The following ARHGAP5 variants were observed in gnomAD, a reference collection of about 807,000 sequenced individuals.
ARHGAP5 encodes the protein Rho GTPase activating protein 5.
ARHGAP5 carries 23 observed loss-of-function variants against 116.6 expected under a neutral mutation model. The observed-to-expected ratio is 0.20, with a 90% confidence interval of 0.14 to 0.28. The LOEUF is 0.28. Among genes scored for constraint, ARHGAP5 ranks in the 10% least tolerant of loss-of-function variants. The pLI is 1.00. For missense variants in ARHGAP5, 1,405 were observed against 1,774.8 expected (o/e 0.79, Z 3.74); for synonymous variants, 574 against 602.0 (o/e 0.95, Z 0.68).
intron 2 of ARHGAP5, among the ~76,000 whole-genome samples, chr14:32,100,676 A>G (rs1164022486): frequency 6.6e-6 from 1 of 152,244 alleles, no homozygotes; most frequent in Non-Finnish European, 1.5e-5. Flanking sequence ...TAGTGTCCAC[A>G]GAGGTCTTGA....
chr14:32,148,140 G>A (rs975703152), intron 4 of ARHGAP5, among the ~76,000 whole-genome samples: 15 of 151,672 alleles, frequency 9.9e-5, no homozygotes, highest in East Asian at 1.9e-4. Context: ...GTGACAGAGC[G>A]AGACTGCATC....
chr14:32,156,621 A>G lies in ARHGAP5; in HGVS notation c.*1673A>G, dbSNP rs1881904253. The G allele has an allele frequency of 6.6e-6, 1 of 152,320 alleles. No homozygotes were observed. The highest frequency in any genetic ancestry group is 2.4e-5 in the African/African-American group (1 of 41,434). 9.4% of individuals were successfully genotyped at this position (152,320 alleles called of 1,614,324 possible). A position where few individuals can be genotyped will look rare whatever the true frequency, so the allele number is the denominator to read the frequency against. ...CAAAGCACACAGGAATTAAGAAAGT[A>G]CAGTAATTTTTAAAAAAAAATCCGG... On this transcript the variant is annotated 3_prime_UTR_variant, in exon 7 of 7. Coordinates refer to ENST00000345122, the MANE Select transcript of ARHGAP5 (RefSeq NM_001030055.2).
intron 1 of ARHGAP5, among the ~76,000 whole-genome samples, chr14:32,083,676 T>A (rs1386230706): frequency 6.6e-6 from 1 of 152,208 alleles, no homozygotes; most frequent in Non-Finnish European, 1.5e-5. Flanking sequence ...CACCTCTTGT[T>A]GATATTCTTA....
In ARHGAP5 at chr14:32,156,817, G is replaced by A. The variant is rs1254388885; in HGVS notation, c.*1869G>A. ...AGAATTTATTTTTCTACTATATATG[G>A]TATAGACAAAGCATCAAACTATGTA... On this transcript the variant is annotated 3_prime_UTR_variant, in exon 7 of 7. Transcript: ENST00000345122. 1 of 152,224 alleles carries A rather than the reference G, an allele frequency of 6.6e-6. No homozygotes were observed. The highest frequency in any genetic ancestry group is 1.9e-4 in the East Asian group (1 of 5,190). The allele number at this position is 152,224 out of a possible 1,614,324, so 9.4% of individuals were successfully genotyped here.
At position 32,114,171 on chromosome 14, in the gene ARHGAP5, T is replaced by C. The variant is rs541039609; in HGVS notation, c.3718-2969T>C. ...TGAACCCAGGAGGCAGAGCTTGCAG[T>C]GAGCTGAGATCACGCCACTGCACTC... is the stretch of plus-strand genomic sequence containing the variant. On this transcript the variant is annotated intron_variant, in intron 2 of 6. Transcript: ENST00000345122. Among the ~76,000 whole-genome samples the C allele has an allele frequency of 8.6e-5, 13 of 151,060 alleles. No individual in the cohort carries two copies. The East Asian group carries it at 2.0e-3, about 23-fold the overall frequency.
At chr14:32,106,162 C>G (rs913856053) in intron 2 of ARHGAP5, among the ~76,000 whole-genome samples, 27 of 152,152 alleles carry the variant, frequency 1.8e-4, no homozygotes, top group African/African-American at 6.5e-4. Context: ...CACTTTGTTG[C>G]CCAGGCTACA....
rs1878215713 is a variant in ARHGAP5 at position 32,091,053 on chromosome 14, A to G, written c.384A>G (p.Glu128=). Residue 128 remains glutamate (E), a synonymous_variant, in exon 2 of 7, where the codon GAA becomes GAG. Transcript: ENST00000345122. ...RAAASKLQSA[E]KLMYICTDQL... The stretch of plus-strand genomic sequence containing the variant: ...CTGCATCTAAATTGCAGTCAGCAGA[A>G]AAACTAATGTACATTTGCACTGATC... 6.2e-7 allele frequency: 1 copy of G among 1,613,576 alleles called. No homozygotes were observed. The highest frequency in any genetic ancestry group is 8.5e-7 in the Non-Finnish European group (1 of 1,179,670).
In ARHGAP5 at chr14:32,092,253, T is replaced by C. The variant is rs774285269; in HGVS notation, c.1584T>C (p.Tyr528=). The part of the protein sequence containing the change: ...IHTVLSEEPR[Y]KALQKLAPDR... ...CAGTTCTGAGTGAAGAACCTAGATATAAAGCTTTACAGAAACTTGCACCTG... is the reference window on the plus strand; with the variant it reads ...CAGTTCTGAGTGAAGAACCTAGATACAAAGCTTTACAGAAACTTGCACCTG... Residue 528 remains tyrosine (Y), a synonymous_variant, in exon 2 of 7, where the codon TAT becomes TAC. Transcript: ENST00000345122. The surrounding 1 kb of genome is among the most constrained non-coding windows in gnomAD (Gnocchi z 4.1). 3.1e-6 allele frequency: 5 copies of C among 1,613,480 alleles called. No individual in the cohort carries two copies. Among genetic ancestry groups the C allele is most frequent in the Middle Eastern group, 1.7e-4 (1 of 6,058 alleles).
At chr14:32,077,494 C>T in intron 1 of ARHGAP5, 59 bp downstream of exon 1, 1 of 676,290 alleles carries the variant, frequency 1.5e-6, no homozygotes, top group East Asian at 2.8e-5. Context: ...GACGGGGACC[C>T]TCCTGCGGCT....
Position 32,159,094 on chromosome 14 carries a change from G to A in ARHGAP5, c.*4146G>A, listed in dbSNP as rs897197551. 1.3e-5 allele frequency: 2 copies of A among 152,086 alleles called. No homozygotes were observed. Among genetic ancestry groups the A allele is most frequent in the African/African-American group, 4.8e-5 (2 of 41,438 alleles). The allele number at this position is 152,086 out of a possible 1,614,324, so 9.4% of individuals were successfully genotyped here. On this transcript the variant is annotated 3_prime_UTR_variant, in exon 7 of 7. Coordinates refer to ENST00000345122, the MANE Select transcript of ARHGAP5 (RefSeq NM_001030055.2). ...GTCTTTTGTGGAAATTCTGTAGGCA[G>A]TATGATTTTGAAAAGCTAACCAATG...
intron 2 of ARHGAP5, among the ~76,000 whole-genome samples, chr14:32,094,962 G>A (rs954316486): frequency 3.9e-5 from 6 of 152,006 alleles, no homozygotes; most frequent in Admixed American, 1.3e-4. Flanking sequence ...AATGGTATTA[G>A]GCATTTGAAA....
chr14:32,153,672 C>T (rs1881762289), intron 6 of ARHGAP5, among the ~76,000 whole-genome samples: 1 of 151,558 alleles, frequency 6.6e-6, no homozygotes, highest in Admixed American at 6.6e-5. Context: ...AGGGTTTCAT[C>T]ATGTTGGCCA....
chr14:32,125,139 C>T (rs879546137), intron 3 of ARHGAP5, among the ~76,000 whole-genome samples: 1 of 152,154 alleles, frequency 6.6e-6, no homozygotes, highest in Non-Finnish European at 1.5e-5. Flanking sequence ...CCGAAGAAAA[C>T]CCTGTACACA....
chr14:32,154,574 T>A, intron 6 of ARHGAP5, 47 bp from the exon 7 acceptor site: 1 of 1,381,956 alleles, frequency 7.2e-7, no homozygotes, highest in Non-Finnish European at 1.0e-6. Context: ...ATTCTGTGAT[T>A]GTAATGAGTT....
rs751455956 is a variant in ARHGAP5, at chr14:32,152,479, C to G, written c.4132C>G (p.His1378Asp). ...HALKEIVKKF[H>D]PVNYDVFRYV... ...CTTGAAAGAAATTGTTAAGAAATTT[C>G]ATCCTGTAAACTATGATGTATTCAG... is the stretch of plus-strand genomic sequence containing the variant. The change falls in exon 6 of 7, where the codon CAT becomes GAT. Residue 1378 changes from histidine to aspartate, a missense_variant. This residue lies in a region of ARHGAP5 where 176 missense variants were observed against 221.2 expected (regional missense o/e 0.80). Coordinates refer to ENST00000345122, the MANE Select transcript of ARHGAP5 (RefSeq NM_001030055.2). 8 of 1,605,920 alleles carry G rather than the reference C, an allele frequency of 5.0e-6. No homozygotes were observed. Among genetic ancestry groups the G allele is most frequent in the Non-Finnish European group, 6.8e-6 (8 of 1,177,344 alleles).
rs757829332 is a variant in ARHGAP5 at position 32,117,133 on chromosome 14, C to A, written c.3718-7C>A. The A allele has an allele frequency of 6.3e-7, 1 of 1,584,370 alleles. No individual in the cohort carries two copies. The highest frequency in any genetic ancestry group is 1.4e-5 in the African/African-American group (1 of 73,444). On this transcript the variant is annotated splice_region_variant and splice_polypyrimidine_tract_variant and intron_variant, in intron 2 of 6. Transcript: ENST00000345122. ...AATAGTGTTAACTTAAATATGTTTT[C>A]TTATAGCAGAAAAAGAAAACTAAGA...
intron 3 of ARHGAP5, among the ~76,000 whole-genome samples, chr14:32,141,029 G>C (rs1881100118): frequency 2.0e-5 from 3 of 152,158 alleles, no homozygotes; most frequent in Non-Finnish European, 4.4e-5. Context: ...ATATCTTACT[G>C]ATGGAGTCTC....
intron 6 of ARHGAP5, among the ~76,000 whole-genome samples, chr14:32,153,125 G>C (rs927368958): frequency 3.3e-5 from 5 of 149,638 alleles, no homozygotes; most frequent in African/African-American, 9.8e-5. Flanking sequence ...CCTAAAAGAG[G>C]ATTCACCAAT....
chr14:32,137,695 A>G (rs1343451010), intron 3 of ARHGAP5, among the ~76,000 whole-genome samples: 2 of 152,104 alleles, frequency 1.3e-5, no homozygotes, highest in African/African-American at 4.8e-5. Context: ...CTTCCGGGCC[A>G]GGTGGGGTGG....
Sources: gnomAD v4.1 joint callset for allele counts (sites outside exome capture counted in the v4.1 genomes callset) on GRCh38, gnomAD v4.1.1 for gene constraint, gnomAD v4.1.1 regional missense constraint, Gnocchi (gnomAD v3.1) non-coding constraint, MANE v1.5 for transcripts, NCBI Gene and HGNC (gene_info 2026-07-23, HGNC 2026-07-21) for gene names.